The following CAMK4 variants were observed in gnomAD, a reference collection of about 807,000 sequenced individuals.
The protein encoded by CAMK4 is calcium/calmodulin-dependent protein kinase type IV.
CAMK4 carries 22 observed loss-of-function variants against 44.9 expected under a neutral mutation model. The observed-to-expected ratio is 0.49, with a 90% CI of 0.35 to 0.70. The LOEUF (loss-of-function observed/expected upper bound fraction) is 0.70, where lower values mean the gene tolerates loss of function less well. CAMK4 is among the 30% of genes least tolerant of loss of function. CAMK4 has a pLI of 0.01. For synonymous variants in CAMK4, 218 were observed against 215.4 expected (o/e 1.01, Z -0.11); for missense variants, 498 against 586.8 (o/e 0.85, Z 1.56).
intron 1 of CAMK4, among the ~76,000 whole-genome samples, chr5:111,234,591 G>A (rs1748630683): frequency 6.6e-6 from 1 of 152,202 alleles, no homozygotes; most frequent in East Asian, 1.9e-4. Context: ...TAAAGGCACT[G>A]ACCTAAAGTG....
chr5:111,263,164 G>C (rs1461894043), intron 1 of CAMK4, among the ~76,000 whole-genome samples: 1 of 152,320 alleles, frequency 6.6e-6, no homozygotes, highest in East Asian at 1.9e-4. Flanking sequence ...ACTATGTCAG[G>C]TGATTTTCCT....
chr5:111,249,849 CAT>C (rs1346268866), intron 1 of CAMK4, among the ~76,000 whole-genome samples: 4 of 152,076 alleles, frequency 2.6e-5, no homozygotes, highest in Admixed American at 1.3e-4. Context: ...ACATATTTAA[CAT>C]ATTTTTCCAC....
At chr5:111,390,573 CATT>C (rs150607637) in intron 4 of CAMK4, among the ~76,000 whole-genome samples, 2 of 152,254 alleles carry the variant, frequency 1.3e-5, no homozygotes, top group East Asian at 3.9e-4. Context: ...AAATGACAAA[CATT>C]GTTGAAACTG....
chr5:111,285,806 T>C (rs1203653950), intron 1 of CAMK4, among the ~76,000 whole-genome samples: 1 of 152,222 alleles, frequency 6.6e-6, no homozygotes, highest in Non-Finnish European at 1.5e-5. Flanking sequence ...ACTCTATCAT[T>C]GGGTAGTTTC....
At chr5:111,229,724 A>T (rs1183838069) in intron 1 of CAMK4, among the ~76,000 whole-genome samples, 2 of 152,054 alleles carry the variant, frequency 1.3e-5, no homozygotes, top group Non-Finnish European at 2.9e-5. Flanking sequence ...CTCTTGGGGG[A>T]TGGTAGGTTT....
At chr5:111,469,533 G>C (rs1754987212) in intron 7 of CAMK4, among the ~76,000 whole-genome samples, 1 of 152,104 alleles carries the variant, frequency 6.6e-6, no homozygotes, top group South Asian at 2.1e-4. Context: ...CTGTATAGTG[G>C]ATCCAAAAAG....
intron 1 of CAMK4, among the ~76,000 whole-genome samples, chr5:111,338,559 G>C (rs561879727): frequency 1.3e-5 from 2 of 151,374 alleles, no homozygotes; most frequent in Non-Finnish European, 3.0e-5. Context: ...GTCCAGAAAG[G>C]TGGTTCCTTG....
chr5:111,252,968 AAG>A (rs1749578216), intron 1 of CAMK4, among the ~76,000 whole-genome samples: 1 of 152,216 alleles, frequency 6.6e-6, no homozygotes, highest in Admixed American at 6.5e-5. Flanking sequence ...ACAATGCAGA[AAG>A]AGATAGAGGG....
intron 1 of CAMK4, among the ~76,000 whole-genome samples, chr5:111,226,446 T>A: frequency 6.6e-6 from 1 of 152,250 alleles, no homozygotes; most frequent in Non-Finnish European, 1.5e-5. Flanking sequence ...ATGATGGTGT[T>A]ATGTCCCAAT....
At chr5:111,463,043 C>T (rs183001619) in intron 7 of CAMK4, among the ~76,000 whole-genome samples, 22 of 152,252 alleles carry the variant, frequency 1.4e-4, no homozygotes, top group African/African-American at 5.3e-4. Context: ...AATTCTAAGA[C>T]CGTTTACCAA....
chr5:111,354,256 G>C (rs1750232286), intron 2 of CAMK4, among the ~76,000 whole-genome samples: 1 of 152,100 alleles, frequency 6.6e-6, no homozygotes, highest in African/African-American at 2.4e-5. Flanking sequence ...CTCAGAGAGA[G>C]TAGAAGGATG....
intron 1 of CAMK4, among the ~76,000 whole-genome samples, chr5:111,228,509 G>GGTGTGTGTGT (rs373248608): frequency 0.074 from 10,740 of 145,212 alleles, 525 homozygotes; most frequent in Admixed American, 0.16. Context: ...CATAGTAAGG[G>GGTGTGTGTGT]GTGTGTGTGT....
chr5:111,389,900 G>T (rs3797750), intron 4 of CAMK4, among the ~76,000 whole-genome samples: 2 of 151,474 alleles, frequency 1.3e-5, no homozygotes, highest in Non-Finnish European at 2.9e-5. Context: ...CAAAATCCAC[G>T]TTTAGAGTAA....
In CAMK4 at chr5:111,294,420, G is replaced by A. The variant is rs114124927; in HGVS notation, c.162-49604G>A. On this transcript the variant is annotated intron_variant, in intron 1 of 10. Coordinates refer to ENST00000282356, the MANE Select transcript of CAMK4 (RefSeq NM_001744.6). The stretch of plus-strand genomic sequence containing the variant: ...CTTTAAAAATAGCTGCATTAGGAAT[G>A]TGCATATTTTTGTAATTTTCTTTTT... Among the ~76,000 whole-genome samples, 787 of 152,238 alleles carry A rather than the reference G, an allele frequency of 5.2e-3. 8 individuals are homozygous for A. The highest frequency in any genetic ancestry group is 0.018 in the African/African-American group (738 of 41,536).
At chr5:111,441,331 T>C (rs1003858442) in intron 5 of CAMK4, among the ~76,000 whole-genome samples, 8 of 152,218 alleles carry the variant, frequency 5.3e-5, no homozygotes, top group Non-Finnish European at 1.0e-4. Context: ...TTCTGTCTTA[T>C]GCTTTTTAAA....
chr5:111,274,187 C>G (rs765303503), intron 1 of CAMK4, among the ~76,000 whole-genome samples: 4 of 152,114 alleles, frequency 2.6e-5, no homozygotes, highest in East Asian at 1.9e-4. Flanking sequence ...ATTCAAGTCT[C>G]TACTCAAATA....
chr5:111,393,953 C>T (rs529388281), intron 4 of CAMK4, among the ~76,000 whole-genome samples: 7 of 143,590 alleles, frequency 4.9e-5, no homozygotes, highest in South Asian at 2.2e-4. Flanking sequence ...CAAAAAGAAA[C>T]GCAGCAAAAG....
At chr5:111,265,178 A>G in intron 1 of CAMK4, among the ~76,000 whole-genome samples, 1 of 152,164 alleles carries the variant, frequency 6.6e-6, no homozygotes, top group Non-Finnish European at 1.5e-5. Flanking sequence ...CCCAAGCACC[A>G]AAACACCCCC....
intron 1 of CAMK4, among the ~76,000 whole-genome samples, chr5:111,321,101 G>A (rs1254250203): frequency 1.3e-5 from 2 of 152,090 alleles, no homozygotes; most frequent in African/African-American, 4.8e-5. Context: ...GCCTTTCAAC[G>A]TTTCTCTGCT....
Sources: gnomAD v4.1 joint callset for allele counts (sites outside exome capture counted in the v4.1 genomes callset) on GRCh38, gnomAD v4.1.1 for gene constraint, MANE v1.5 for transcripts, NCBI Gene and HGNC (gene_info 2026-07-23, HGNC 2026-07-21) for gene names.